HS3ST5: variants seen among roughly 807,000 people sequenced by gnomAD.
HS3ST5 encodes heparan sulfate glucosamine 3-O-sulfotransferase 5.
In HS3ST5, 10 loss-of-function variants were observed where a neutral mutation model predicts 25.4. That is an observed-to-expected ratio of 0.39 (90% CI 0.24 to 0.67). HS3ST5 has a LOEUF of 0.67. HS3ST5 is among the 30% of genes least tolerant of loss of function. The probability of loss-of-function intolerance (pLI) is 0.44; values close to 1 mark genes in which losing one functional copy is unlikely to be tolerated. For synonymous variants in HS3ST5, 170 were observed against 162.4 expected, an observed-to-expected ratio of 1.05 and a Z score of -0.36; for missense variants, 324 against 420.7, an observed-to-expected ratio of 0.77 and a Z score of 2.01.
At chr6:114,285,865 C>T (rs977485769) in intron 1 of HS3ST5, among the ~76,000 whole-genome samples, 4 of 151,738 alleles carry the variant, frequency 2.6e-5, no homozygotes, top group Non-Finnish European at 4.4e-5. Context: ...AATTATGAAC[C>T]TTCATGAAGC....
chr6:114,256,126 C>T (rs13209675), intron 1 of HS3ST5, among the ~76,000 whole-genome samples: 4,397 of 152,174 alleles, frequency 0.029, 109 homozygotes, highest in Non-Finnish European at 0.04. Context: ...CAGTGGCTCA[C>T]GCCTGTAATC....
chr6:114,059,396 T>A (rs1287421026), intron 4 of HS3ST5: 1 of 152,224 alleles, frequency 6.6e-6, no homozygotes, highest in Admixed American at 6.5e-5. Flanking sequence ...ATGAGGCTGT[T>A]GCTTGCTTTT....
At chr6:114,130,318 A>G (rs1006258524) in intron 3 of HS3ST5, among the ~76,000 whole-genome samples, 6 of 152,214 alleles carry the variant, frequency 3.9e-5, no homozygotes, top group Admixed American at 2.0e-4. Flanking sequence ...GTTTTACACA[A>G]TGAGAGAGAA....
chr6:114,146,132 TA>T lies in HS3ST5; in HGVS notation c.-33+22218del, dbSNP rs1176690477. Among the ~76,000 whole-genome samples, 212 of 152,328 alleles carry T rather than the reference TA, an allele frequency of 1.4e-3. 1 individual carries two copies. Among genetic ancestry groups the T allele is most frequent in the Non-Finnish European group, 1.9e-4 (13 of 68,030 alleles). On this transcript the variant is annotated intron_variant, in intron 3 of 4. Coordinates refer to ENST00000312719, the MANE Select transcript of HS3ST5 (RefSeq NM_153612.4). Reference sequence around the variant, plus strand: ...ATTACAGAGTCCAGTTGCTTCTAGATATGTCTCTTCTCTGTAAACCACAGTT... The same window carrying T: ...ATTACAGAGTCCAGTTGCTTCTAGATTGTCTCTTCTCTGTAAACCACAGTT...
At chr6:114,125,812 C>T (rs1379048226) in intron 3 of HS3ST5, among the ~76,000 whole-genome samples, 3 of 152,168 alleles carry the variant, frequency 2.0e-5, no homozygotes, top group Non-Finnish European at 2.9e-5. Flanking sequence ...CTTGTCAACA[C>T]GTGATAGCCC....
chr6:114,334,785 T>C (rs921432222), intron 1 of HS3ST5, among the ~76,000 whole-genome samples: 84 of 152,338 alleles, frequency 5.5e-4, no homozygotes, highest in African/African-American at 1.7e-3. Flanking sequence ...CCAGAATGTA[T>C]CTCCATTGTC....
chr6:114,084,696 G>A, intron 3 of HS3ST5: 1 of 1,268,722 alleles, frequency 7.9e-7, no homozygotes, highest in Middle Eastern at 2.7e-4. Flanking sequence ...AGAAGCCGTG[G>A]CTCCTGGAAG....
At chr6:114,122,486 A>C (rs958811823) in intron 3 of HS3ST5, among the ~76,000 whole-genome samples, 2 of 152,126 alleles carry the variant, frequency 1.3e-5, no homozygotes, top group African/African-American at 4.8e-5. Context: ...CCAGTTAGAA[A>C]ATCTCTGGAA....
intron 1 of HS3ST5, among the ~76,000 whole-genome samples, chr6:114,269,331 T>C (rs1053686225): frequency 5.9e-5 from 9 of 152,160 alleles, no homozygotes; most frequent in South Asian, 2.1e-4. Context: ...GTTTCTATCA[T>C]ATTATGGTAC....
At chr6:114,231,436 GA>G (rs1771585205) in intron 1 of HS3ST5, 1 of 152,488 alleles carries the variant, frequency 6.6e-6, no homozygotes, top group African/African-American at 2.4e-5. Context: ...GAAGAACTAT[GA>G]ACCAGTTAAG....
At chr6:114,177,354 A>G (rs569115224) in intron 2 of HS3ST5, among the ~76,000 whole-genome samples, 3 of 152,324 alleles carry the variant, frequency 2.0e-5, no homozygotes, top group African/African-American at 7.2e-5. Flanking sequence ...ACATAATGCC[A>G]CAGAATGATA....
In HS3ST5 at chr6:114,093,349, TTGTTTGTGTGTG is replaced by T. The variant is rs1293028145; in HGVS notation, c.-32-30484_-32-30473del. On this transcript the variant is annotated intron_variant, in intron 3 of 4. Coordinates refer to ENST00000312719, the MANE Select transcript of HS3ST5 (RefSeq NM_153612.4). ...ATGACCTTGTATCTTTTTTGTTTGTTTGTTTGTGTGTGTGTGTGTGTGTGTGTGTGTGTGTGT... is the reference window on the plus strand; with the variant it reads ...ATGACCTTGTATCTTTTTTGTTTGTTTGTGTGTGTGTGTGTGTGTGTGTGT... Among the ~76,000 whole-genome samples, 14 of 98,236 alleles carry T rather than the reference TTGTTTGTGTGTG, an allele frequency of 1.4e-4. No homozygotes were observed. In the East Asian group the frequency reaches 4.0e-3, roughly 28 times the overall value. The allele number at this position is 98,236 out of a possible 152,430, so 64.4% of individuals were successfully genotyped here. A position where few individuals can be genotyped will look rare whatever the true frequency, so the allele number is the denominator to read the frequency against.
intron 1 of HS3ST5, among the ~76,000 whole-genome samples, chr6:114,290,042 A>G (rs1360343131): frequency 6.6e-6 from 1 of 152,168 alleles, no homozygotes. Context: ...TGTCCTCAGT[A>G]GTCACTGAAA....
chr6:114,286,548 C>T (rs1774347642), intron 1 of HS3ST5, among the ~76,000 whole-genome samples: 1 of 151,876 alleles, frequency 6.6e-6, no homozygotes, highest in African/African-American at 2.4e-5. Context: ...ATTTGCTTAA[C>T]AAATTAAAAA....
intron 1 of HS3ST5, among the ~76,000 whole-genome samples, chr6:114,298,694 G>A (rs1774935519): frequency 6.6e-6 from 1 of 152,242 alleles, no homozygotes; most frequent in African/African-American, 2.4e-5. Context: ...CGTGGATTGT[G>A]AAGATTTCAT....
At chr6:114,087,999 A>C (rs1015684962) in intron 3 of HS3ST5, among the ~76,000 whole-genome samples, 5 of 152,234 alleles carry the variant, frequency 3.3e-5, no homozygotes, top group African/African-American at 1.2e-4. Context: ...CAAAAGTGTT[A>C]AATGTCCACT....
chr6:114,091,641 G>A (rs986424453), intron 3 of HS3ST5, among the ~76,000 whole-genome samples: 4 of 151,802 alleles, frequency 2.6e-5, no homozygotes, highest in East Asian at 1.9e-4. Context: ...CCGAGATTGC[G>A]CCACTGCACC....
At chr6:114,277,735 A>G (rs1773922995) in intron 1 of HS3ST5, among the ~76,000 whole-genome samples, 1 of 151,962 alleles carries the variant, frequency 6.6e-6, no homozygotes, top group Admixed American at 6.6e-5. Context: ...TGGAAATTTC[A>G]CTAACTTCGG....
intron 3 of HS3ST5, among the ~76,000 whole-genome samples, chr6:114,106,606 C>T (rs898821172): frequency 1.3e-5 from 2 of 152,024 alleles, no homozygotes; most frequent in Non-Finnish European, 2.9e-5. Context: ...AAATGACTGT[C>T]TAGAAGTTGG....
Sources: allele counts gnomAD v4.1 joint callset (sites outside exome capture counted in the v4.1 genomes callset), GRCh38; gene constraint gnomAD v4.1.1; transcripts MANE v1.5; gene names NCBI Gene and HGNC (gene_info 2026-07-23, HGNC 2026-07-21).